Variants in FBXL5 observed in about 807,000 individuals in gnomAD.
FBXL5 encodes F-box/LRR-repeat protein 5.
Under a neutral mutation model 78.3 loss-of-function variants are expected in FBXL5, and 26 were observed. The observed-to-expected ratio is 0.33, with a 90% CI of 0.24 to 0.46. The LOEUF is 0.46. Ranked by LOEUF, FBXL5 falls within the 20% of genes least tolerant of loss-of-function variation. The probability of loss-of-function intolerance (pLI) is 1.00; values close to 1 mark genes in which losing one functional copy is unlikely to be tolerated. For synonymous variants in FBXL5, 295 were observed against 282.5 expected (o/e 1.04, Z -0.45); for missense variants, 710 against 829.2 (o/e 0.86, Z 1.77).
At chr4:15,646,352 T>TA (rs1168302084) in intron 1 of FBXL5, among the ~76,000 whole-genome samples, 1 of 141,000 alleles carries the variant, frequency 7.1e-6, no homozygotes, top group African/African-American at 2.7e-5. Context: ...CATACTTGGT[T>TA]AAATACATAT....
rs145066376 is a variant in FBXL5, at chr4:15,647,858, G to T, written c.85-3150C>A. On this transcript the variant is annotated intron_variant, in intron 1 of 10. Coordinates refer to ENST00000341285, the MANE Select transcript of FBXL5 (RefSeq NM_012161.4). ...ATATTAACTACTTCACAGAGTTCTT[G>T]TGAGAATTTTTTTGAGACAGGGTCT... Among the ~76,000 whole-genome samples, 322 of 152,260 alleles carry T rather than the reference G, an allele frequency of 2.1e-3. 4 individuals are homozygous for T. The highest frequency in any genetic ancestry group is 3.1e-3 in the East Asian group (16 of 5,180).
chr4:15,654,246 CTTTA>C, intron 1 of FBXL5, among the ~76,000 whole-genome samples: 1 of 152,184 alleles, frequency 6.6e-6, no homozygotes, highest in East Asian at 1.9e-4. Flanking sequence ...CATTTGAATG[CTTTA>C]TTTAGTTGGA....
At chr4:15,658,335 C>A (rs1717121041), upstream of FBXL5, among the ~76,000 whole-genome samples, 1 of 152,216 alleles carries the variant, frequency 6.6e-6, no homozygotes, top group African/African-American at 2.4e-5. Flanking sequence ...CTGCAGCAGG[C>A]TGATTTAGGA....
At chr4:15,610,588 G>A (rs1366693435) in intron 10 of FBXL5, among the ~76,000 whole-genome samples, 1 of 151,962 alleles carries the variant, frequency 6.6e-6, no homozygotes, top group Non-Finnish European at 1.5e-5. Flanking sequence ...AATGCATAAG[G>A]ACAAAGTGCA....
At chr4:15,672,970 G>A (rs1488012369) in intron 1 of FBXL5, among the ~76,000 whole-genome samples, 1 of 152,060 alleles carries the variant, frequency 6.6e-6, no homozygotes, top group Admixed American at 6.6e-5. Flanking sequence ...ACAATCAACA[G>A]TATCACTGTC....
intron 10 of FBXL5, among the ~76,000 whole-genome samples, chr4:15,611,383 T>C (rs1325952802): frequency 1.3e-5 from 2 of 152,084 alleles, no homozygotes; most frequent in Non-Finnish European, 2.9e-5. Flanking sequence ...TTTCCTGTCA[T>C]CTTAAGGTGA....
chr4:15,637,527 T>A (rs1414946024), intron 4 of FBXL5, among the ~76,000 whole-genome samples: 1 of 152,206 alleles, frequency 6.6e-6, no homozygotes, highest in Non-Finnish European at 1.5e-5. Context: ...CTACCACTTT[T>A]AAACTGCCAA....
rs1018267096 is a variant in FBXL5 at position 15,604,587 on chromosome 4, C to T, written c.*1136G>A. ...ACATGGCACCAATAGACTGGCTCAA[C>T]GCAGAGTTGCCATAAACCTTCCATT... On this transcript the variant is annotated 3_prime_UTR_variant, in exon 11 of 11. Coordinates refer to ENST00000341285, the MANE Select transcript of FBXL5 (RefSeq NM_012161.4). 6.6e-6 allele frequency: 1 copy of T among 152,166 alleles called. No homozygotes were observed. Among genetic ancestry groups the T allele is most frequent in the African/African-American group, 2.4e-5 (1 of 41,432 alleles). The allele number at this position is 152,166 out of a possible 1,614,324, so 9.4% of individuals were successfully genotyped here. A position where few individuals can be genotyped will look rare whatever the true frequency, so the allele number is the denominator to read the frequency against.
rs935218469 is a variant in FBXL5, at chr4:15,604,768, G to C, written c.*955C>G. On this transcript the variant is annotated 3_prime_UTR_variant, in exon 11 of 11. Coordinates refer to ENST00000341285, the MANE Select transcript of FBXL5 (RefSeq NM_012161.4). ...TAGTATGTGCCTTTCTGGGTGGCAG[G>C]CCTCCACTCTCATGATGTTTTAACA... The C allele has an allele frequency of 9.9e-5, 15 of 152,162 alleles. No individual in the cohort carries two copies. Among genetic ancestry groups the C allele is most frequent in the African/African-American group, 3.6e-4 (15 of 41,426 alleles). 9.4% of individuals were successfully genotyped at this position (152,162 alleles called of 1,614,324 possible). A position where few individuals can be genotyped will look rare whatever the true frequency, so the allele number is the denominator to read the frequency against.
intron 5 of FBXL5, among the ~76,000 whole-genome samples, chr4:15,634,087 C>G (rs1430607977): frequency 6.6e-6 from 1 of 152,064 alleles, no homozygotes; most frequent in African/African-American, 2.4e-5. Flanking sequence ...AAAAATGCCT[C>G]CAGATATTTC....
chr4:15,644,787 A>G (rs1300304443), intron 1 of FBXL5, 79 bp from the exon 2 acceptor site: 3 of 1,023,960 alleles, frequency 2.9e-6, no homozygotes, highest in Non-Finnish European at 4.3e-6. Context: ...ATACATCCCT[A>G]TTCACTTTTG....
intron 5 of FBXL5, 148 bp downstream of exon 5, chr4:15,636,346 A>G: frequency 1.6e-6 from 1 of 608,262 alleles, no homozygotes; most frequent in Non-Finnish European, 2.5e-6. Flanking sequence ...AGTTTTCCAA[A>G]AATATATACC....
In FBXL5 at chr4:15,626,913, C is replaced by A. The variant is rs1246387751; in HGVS notation, c.1084G>T (p.Asp362Tyr). The part of the protein sequence containing the change: ...LELCPNLEHL[D>Y]LTQTDISDSA... ...TCTGAAATGTCAGTCTGGGTAAGAT[C>A]CAGATGCTCCAGGTTAGGACAAAGC... Residue 362 changes from aspartate to tyrosine, a missense_variant, in exon 8 of 11, where the codon GAT becomes TAT. Asp to Tyr is a radical substitution (Grantham distance 160). This residue lies in a region of FBXL5 where 517 missense variants were observed against 542.9 expected (regional missense o/e 0.95). Coordinates refer to ENST00000341285, the MANE Select transcript of FBXL5 (RefSeq NM_012161.4). 6.2e-7 allele frequency: 1 copy of A among 1,612,142 alleles called. No homozygotes were observed. Among genetic ancestry groups the A allele is most frequent in the Non-Finnish European group, 8.5e-7 (1 of 1,179,088 alleles).
At position 15,632,048 on chromosome 4, in the gene FBXL5, G is replaced by C. The variant is rs545644967; in HGVS notation, c.767-1257C>G. 1.4e-4 allele frequency among the ~76,000 whole-genome samples: 21 copies of C among 152,204 alleles called. No homozygotes were observed. The South Asian group carries it at 4.1e-3, about 30-fold the overall frequency. ...TTCTTCTAGGGTTTTTATGGTTTTA[G>C]GTCTAACATTTAAATATTTAATCCA... On this transcript the variant is annotated intron_variant, in intron 5 of 10. Transcript: ENST00000341285.
At chr4:15,615,830 TA>T (rs1305550643) in intron 9 of FBXL5, among the ~76,000 whole-genome samples, 1 of 152,014 alleles carries the variant, frequency 6.6e-6, no homozygotes, top group Non-Finnish European at 1.5e-5. Flanking sequence ...TGGGGCCAGA[TA>T]AGAGAATAAA....
At chr4:15,680,472 A>G (rs1577527533) in intron 1 of FBXL5, among the ~76,000 whole-genome samples, 1 of 152,076 alleles carries the variant, frequency 6.6e-6, no homozygotes, top group Admixed American at 6.6e-5. Flanking sequence ...GGAGTTCGAG[A>G]CCAGCCTGGC....
chr4:15,652,842 T>C (rs1269081300), intron 1 of FBXL5, among the ~76,000 whole-genome samples: 4 of 152,170 alleles, frequency 2.6e-5, no homozygotes, highest in African/African-American at 7.2e-5. Context: ...CTTTTTAGTC[T>C]GAGCATAAAA....
chr4:15,639,335 G>C lies in FBXL5; in HGVS notation c.397-641C>G, dbSNP rs200103107. 2.2e-4 allele frequency among the ~76,000 whole-genome samples: 33 copies of C among 152,284 alleles called. No homozygotes were observed. In the East Asian group the frequency reaches 6.2e-3, roughly 28 times the overall value. ...GTCAGTTAACTGCCTTCTGGTACTA[G>C]AGTAACTGAACTCCACCCAAACAGG... On this transcript the variant is annotated intron_variant, in intron 3 of 10. Transcript: ENST00000341285.
chr4:15,639,352 C>A (rs1048650449), intron 3 of FBXL5, among the ~76,000 whole-genome samples: 5 of 152,144 alleles, frequency 3.3e-5, no homozygotes, highest in Non-Finnish European at 7.3e-5. Context: ...TGAACTCCAC[C>A]CAAACAGGGC....
Sources: allele counts gnomAD v4.1 joint callset (sites outside exome capture counted in the v4.1 genomes callset), GRCh38; gene constraint gnomAD v4.1.1; regional missense constraint gnomAD v4.1.1; transcripts MANE v1.5; gene names NCBI Gene and HGNC (gene_info 2026-07-23, HGNC 2026-07-21).